Variants in GPLD1 observed in about 807,000 individuals in gnomAD.
The protein encoded by GPLD1 is glycosylphosphatidylinositol specific phospholipase D1, also known as phosphatidylinositol-glycan-specific phospholipase D.
GPLD1 carries 84 observed loss-of-function variants against 112.6 expected under a neutral mutation model. The ratio of observed to expected loss-of-function variants is 0.75; its 90% CI spans 0.63 to 0.89. The LOEUF (loss-of-function observed/expected upper bound fraction) is 0.89. GPLD1 is among the 40% of genes least tolerant of loss of function. The probability of loss-of-function intolerance (pLI) is 0.00; values close to 1 mark genes in which losing one functional copy is unlikely to be tolerated. For synonymous variants in GPLD1, 386 were observed against 403.8 expected (o/e 0.96, Z 0.53); for missense variants, 1,044 against 1,051.5 (o/e 0.99, Z 0.10).
intron 20 of GPLD1, among the ~76,000 whole-genome samples, chr6:24,445,118 C>T (rs894971492): frequency 6.6e-6 from 1 of 152,062 alleles, no homozygotes; most frequent in African/African-American, 2.4e-5. Context: ...ACTTCTGCCT[C>T]CCAGATTCAA....
chr6:24,484,009 G>A (rs375102765), intron 2 of GPLD1, among the ~76,000 whole-genome samples: 99 of 152,172 alleles, frequency 6.5e-4, no homozygotes, highest in African/African-American at 2.1e-3. Context: ...TCCGCCTCCC[G>A]GGTTCACGCC....
At chr6:24,481,672 G>A (rs142772850) in intron 2 of GPLD1, among the ~76,000 whole-genome samples, 2 of 152,220 alleles carry the variant, frequency 1.3e-5, no homozygotes, top group African/African-American at 2.4e-5. Context: ...CTAGAGCTCT[G>A]GGAAGATGCC....
At chr6:24,435,302 C>G (rs965340557) in intron 22 of GPLD1, among the ~76,000 whole-genome samples, 1 of 152,052 alleles carries the variant, frequency 6.6e-6, no homozygotes, top group Non-Finnish European at 1.5e-5. Flanking sequence ...TGAGCCACTG[C>G]GCCCGGCCAA....
intron 3 of GPLD1, 52 bp downstream of exon 3, chr6:24,479,829 C>G (rs920678123): frequency 1.2e-5 from 11 of 917,994 alleles, no homozygotes; most frequent in Non-Finnish European, 1.7e-5. Context: ...CATAGCTATT[C>G]CTATTAACCA....
downstream of GPLD1, chr6:24,425,239 A>T (rs3827641): frequency 6.6e-6 from 1 of 152,114 alleles, no homozygotes; most frequent in Admixed American, 6.5e-5. Flanking sequence ...AAAATACATA[A>T]TAAGTACTAC....
Position 24,435,637 on chromosome 6 carries a change from G to A in GPLD1, c.2358+939C>T, listed in dbSNP as rs533694589. Among the ~76,000 whole-genome samples the A allele has an allele frequency of 5.3e-4, 80 of 150,030 alleles. 1 individual carries two copies. The highest frequency in any genetic ancestry group is 1.7e-3 in the African/African-American group (71 of 40,936). On this transcript the variant is annotated intron_variant, in intron 22 of 24. Transcript: ENST00000230036. The stretch of plus-strand genomic sequence containing the variant: ...TTTGGGCTGTAATCCCAGCCTGGCC[G>A]ACATGGTGAAACCCTGTCTCTACTA...
At chr6:24,475,085 C>A in intron 5 of GPLD1, 36 bp downstream of exon 5, 1 of 1,027,852 alleles carries the variant, frequency 9.7e-7, no homozygotes, top group South Asian at 1.3e-5. Context: ...CAGTATCACT[C>A]CCATAAAGTC....
At position 24,454,181 on chromosome 6, in the gene GPLD1, A is replaced by G. The variant is rs1763190445; in HGVS notation, c.1169T>C (p.Leu390Pro). 1 of 1,612,074 alleles carries G rather than the reference A, an allele frequency of 6.2e-7. No homozygotes were observed. The highest frequency in any genetic ancestry group is 8.5e-7 in the Non-Finnish European group (1 of 1,179,000). ...GAGGTCACCGTGCCCATCCTGGTTG[A>G]GGTCAGCTGAGGTCATTGCCCTTAG... ...RLGWAMTSADLNQDGHGDLVV... is the reference protein window; with the variant it reads ...RLGWAMTSADPNQDGHGDLVV... The change falls in exon 14 of 25, where the codon CTC becomes CCC. Residue 390 changes from leucine to proline, a missense_variant. Leu to Pro is a moderately conservative substitution (Grantham distance 98, BLOSUM62 -3). Transcript: ENST00000230036.
intron 2 of GPLD1, among the ~76,000 whole-genome samples, chr6:24,485,276 G>A (rs1764331435): frequency 6.6e-6 from 1 of 152,166 alleles, no homozygotes; most frequent in African/African-American, 2.4e-5. Context: ...AGTGGCTCAT[G>A]CCTATAATCC....
intron 15 of GPLD1, among the ~76,000 whole-genome samples, chr6:24,449,243 T>C (rs1280528573): frequency 6.6e-6 from 1 of 151,380 alleles, no homozygotes; most frequent in East Asian, 2.0e-4. Flanking sequence ...GGGGCAAGAG[T>C]TGAGTCTGCA....
rs761603062 is a variant in GPLD1 at position 24,437,184 on chromosome 6, A to T, written c.2126T>A (p.Phe709Tyr). The T allele has an allele frequency of 2.5e-6, 4 of 1,614,170 alleles. No homozygotes were observed. The highest frequency in any genetic ancestry group is 3.4e-6 in the Non-Finnish European group (4 of 1,179,972). ...TCGGGAGAAGCGGCGGTCTCCGCTG[A>T]AGGTGCTGAGCAGCAGAGGCTGCGC... ...SDAQPLLLST[F>Y]SGDRRFSRFG... Residue 709 changes from phenylalanine to tyrosine, a missense_variant, in exon 21 of 25, where the codon TTC (phenylalanine) becomes TAC (tyrosine). Phe to Tyr is a conservative substitution (Grantham distance 22). Coordinates refer to ENST00000230036, the MANE Select transcript of GPLD1 (RefSeq NM_001503.4).
intron 14 of GPLD1, among the ~76,000 whole-genome samples, chr6:24,451,424 C>T (rs563936782): frequency 2.4e-4 from 36 of 152,296 alleles, no homozygotes; most frequent in South Asian, 1.4e-3. Context: ...CCGCAACCTC[C>T]GCCTCCTGGG....
intron 12 of GPLD1, 139 bp downstream of exon 12, chr6:24,460,140 C>A: frequency 1.1e-6 from 1 of 922,056 alleles, no homozygotes; most frequent in East Asian, 2.4e-5. Flanking sequence ...TCAAGGGATC[C>A]TCTCAACTCA....
In GPLD1 at chr6:24,462,729, C is replaced by T; in HGVS notation, c.887+1G>A. The T allele has an allele frequency of 1.2e-6, 2 of 1,607,114 alleles. No individual in the cohort carries two copies. Among genetic ancestry groups the T allele is most frequent in the Non-Finnish European group, 1.7e-6 (2 of 1,173,580 alleles). ...TATGAACAATTTTGGAATCCACTTA[C>T]CCCTGGGTGTGGTTTTGCTGGCCGC... On this transcript the variant is annotated splice_donor_variant, in intron 11 of 24. Coordinates refer to ENST00000230036, the MANE Select transcript of GPLD1 (RefSeq NM_001503.4). LOFTEE classifies it high-confidence loss of function.
chr6:24,475,851 C>G (rs1561853685), intron 4 of GPLD1, among the ~76,000 whole-genome samples: 1 of 146,424 alleles, frequency 6.8e-6, no homozygotes, highest in East Asian at 2.0e-4. Context: ...GAGCGACACT[C>G]TGTCTGAAAA....
At chr6:24,477,982 T>C (rs1442154907) in intron 3 of GPLD1, among the ~76,000 whole-genome samples, 2 of 152,190 alleles carry the variant, frequency 1.3e-5, no homozygotes, top group African/African-American at 2.4e-5. Flanking sequence ...AATCTTTTCA[T>C]CACACAAGAC....
intron 20 of GPLD1, among the ~76,000 whole-genome samples, chr6:24,440,751 A>G (rs1453970820): frequency 1.3e-5 from 2 of 151,696 alleles, no homozygotes; most frequent in African/African-American, 4.8e-5. Context: ...CATAAAGAAG[A>G]AAATGTATAT....
In GPLD1 at chr6:24,449,869, C is replaced by T. The variant is rs1062503; in HGVS notation, c.1366G>A (p.Val456Met). Residue 456 changes from valine (V) to methionine (M), a missense_variant, in exon 15 of 25, where the codon GTG becomes ATG. By Grantham distance (21) the Val-to-Met change is conservative. Coordinates refer to ENST00000230036, the MANE Select transcript of GPLD1 (RefSeq NM_001503.4). ...ACGCCGTCCACGTTAAAGTCCAACACAGCCAAGGCCGAGCCAAACCGACCT... is the reference window on the plus strand; with the variant it reads ...ACGCCGTCCACGTTAAAGTCCAACATAGCCAAGGCCGAGCCAAACCGACCT... The part of the protein sequence containing the change: ...PSGRFGSALA[V>M]LDFNVDGVPD... The T allele has an allele frequency of 6.2e-7, 1 of 1,613,982 alleles. No individual in the cohort carries two copies. The highest frequency in any genetic ancestry group is 8.5e-7 in the Non-Finnish European group (1 of 1,179,944).
intron 6 of GPLD1, 144 bp from the exon 7 acceptor site, chr6:24,472,780 C>CTTT: frequency 1.4e-5 from 7 of 494,128 alleles, no homozygotes; most frequent in South Asian, 2.5e-5. Context: ...AAAGGCATGC[C>CTTT]TTTTTTTTTT....
Sources: allele counts gnomAD v4.1 joint callset (sites outside exome capture counted in the v4.1 genomes callset), GRCh38; gene constraint gnomAD v4.1.1; transcripts MANE v1.5; gene names NCBI Gene and HGNC (gene_info 2026-07-23, HGNC 2026-07-21).